Variants in SNX2 observed in about 807,000 individuals in gnomAD.
SNX2 encodes sorting nexin-2.
A neutral mutation model predicts 69.9 loss-of-function variants in SNX2; 25 were observed. The observed-to-expected ratio is 0.36, with a 90% CI of 0.26 to 0.50. The LOEUF (loss-of-function observed/expected upper bound fraction) is 0.50, where lower values mean the gene tolerates loss of function less well. Among genes scored for constraint, SNX2 ranks in the 20% least tolerant of loss-of-function variants. SNX2 has a pLI of 0.97. For missense variants in SNX2, 551 were observed against 613.3 expected (o/e 0.90, Z 1.07); for synonymous variants, 229 against 200.4 (o/e 1.14, Z -1.20).
intron 1 of SNX2, 100 bp from the exon 2 acceptor site, chr5:122,795,166 A>G: frequency 1.3e-6 from 1 of 743,416 alleles, no homozygotes. Flanking sequence ...TCTTTCCTCC[A>G]TTCTTTTCAA....
At chr5:122,795,240 T>TA in intron 1 of SNX2, 26 bp from the exon 2 acceptor site, 2 of 1,420,518 alleles carry the variant, frequency 1.4e-6, no homozygotes, top group Non-Finnish European at 1.0e-6. Flanking sequence ...GCCAATCCAT[T>TA]ACCTATTATT....
chr5:122,789,917 G>A (rs868356777), intron 1 of SNX2, among the ~76,000 whole-genome samples: 4 of 152,304 alleles, frequency 2.6e-5, no homozygotes, highest in South Asian at 4.1e-4. Context: ...AGAGAGAGAG[G>A]CTCTAGTTGG....
At position 122,775,181 on chromosome 5, in the gene SNX2, C is replaced by T; in HGVS notation, c.78C>T (p.Asp26=). ...TDFEDLEDGE[D]LFTSTVSTLE... ...TTGAGGATCTGGAGGACGGAGAGGA[C>T]CTGTTCACCAGCACTGTCTCCACCC... Residue 26 remains aspartate, a synonymous_variant, in exon 1 of 15, where the codon GAC becomes GAT. Transcript: ENST00000379516. The T allele has an allele frequency of 1.1e-5, 18 of 1,592,484 alleles. No individual in the cohort carries two copies. In the South Asian group the frequency reaches 1.6e-4, roughly 14 times the overall value.
intron 2 of SNX2, 90 bp downstream of exon 2, chr5:122,795,473 G>T: frequency 1.1e-6 from 1 of 873,532 alleles, no homozygotes; most frequent in Non-Finnish European, 1.8e-6. Context: ...CTGAAATTCT[G>T]TGTAAAGTGT....
rs34588472 is a variant in SNX2 at position 122,789,442 on chromosome 5, T to TACACAC, written c.109-5808_109-5803dup. Among the ~76,000 whole-genome samples the TACACAC allele has an allele frequency of 1.9e-3, 269 of 141,652 alleles. 1 individual carries two copies. The highest frequency in any genetic ancestry group is 5.2e-3 in the African/African-American group (197 of 37,922). 92.9% of individuals were successfully genotyped at this position (141,652 alleles called of 152,430 possible). ...CCACCTTCCCCACCACACACACACA[T>TACACAC]ACACACACACACACACACACAGACA... is the stretch of plus-strand genomic sequence containing the variant. On this transcript the variant is annotated intron_variant, in intron 1 of 14. Transcript: ENST00000379516.
At chr5:122,809,941 T>C (rs6872932) in intron 7 of SNX2, among the ~76,000 whole-genome samples, 99,173 of 152,094 alleles carry the variant, frequency 0.65, 33,231 homozygotes, top group African/African-American at 0.81. Context: ...TGAATTGATT[T>C]TATTGTAGGA....
chr5:122,804,041 A>G (rs1261957820), intron 6 of SNX2, among the ~76,000 whole-genome samples: 6 of 152,036 alleles, frequency 3.9e-5, no homozygotes, highest in Non-Finnish European at 7.4e-5. Flanking sequence ...CGGTGGGCTG[A>G]GGCAGGAGAA....
At chr5:122,793,754 CAA>C (rs201474978) in intron 1 of SNX2, among the ~76,000 whole-genome samples, 2,250 of 148,714 alleles carry the variant, frequency 0.015, 21 homozygotes, top group Non-Finnish European at 0.019. Flanking sequence ...ACTAAAAATA[CAA>C]AAAAAAATTA....
At chr5:122,808,740 G>GA (rs577995955) in intron 7 of SNX2, 27 of 157,534 alleles carry the variant, frequency 1.7e-4, no homozygotes, top group Non-Finnish European at 3.4e-4. Flanking sequence ...TGAATGGGGG[G>GA]AAAAATAAAA....
intron 11 of SNX2, among the ~76,000 whole-genome samples, chr5:122,824,836 A>C (rs1268104927): frequency 6.6e-6 from 1 of 152,238 alleles, no homozygotes; most frequent in Admixed American, 6.5e-5. Context: ...GAAGTAATCC[A>C]TAATGGCTGT....
At position 122,802,093 on chromosome 5, in the gene SNX2, A is replaced by AT; in HGVS notation, c.471dup (p.Ala158CysfsTer6). The AT allele has an allele frequency of 6.2e-7, 1 of 1,613,722 alleles. No individual in the cohort carries two copies. The highest frequency in any genetic ancestry group is 8.5e-7 in the Non-Finnish European group (1 of 1,179,746). ...ACTTTTTTTGCAGGTGATGGCATGA[A>AT]TGCCTATATGGCATATAGAGTAACA... On this transcript the variant is annotated frameshift_variant, in exon 5 of 15. Coordinates refer to ENST00000379516, the MANE Select transcript of SNX2 (RefSeq NM_003100.4). LOFTEE classifies it high-confidence loss of function.
intron 6 of SNX2, among the ~76,000 whole-genome samples, chr5:122,806,140 G>GCACACACACACACACA (rs1296313992): frequency 3.3e-5 from 1 of 30,218 alleles, no homozygotes; most frequent in African/African-American, 1.1e-4. Flanking sequence ...ACACACGCGC[G>GCACACACACACACACA]CGCACACACA....
intron 8 of SNX2, 113 bp from the exon 9 acceptor site, chr5:122,816,802 T>G: frequency 1.9e-6 from 1 of 530,338 alleles, no homozygotes. Context: ...CAACCTCTTT[T>G]TTAAAATTTG....
At chr5:122,800,324 T>C (rs1753478827) in intron 3 of SNX2, among the ~76,000 whole-genome samples, 2 of 152,180 alleles carry the variant, frequency 1.3e-5, no homozygotes, top group Non-Finnish European at 1.5e-5. Flanking sequence ...AGAAAAATTA[T>C]ACAGAGATTA....
intron 7 of SNX2, among the ~76,000 whole-genome samples, chr5:122,811,707 T>G (rs893449623): frequency 6.6e-6 from 1 of 152,040 alleles, no homozygotes; most frequent in Non-Finnish European, 1.5e-5. Flanking sequence ...GGCGCGTGCC[T>G]GTAGTCACAG....
At chr5:122,793,816 G>A (rs1317887947) in intron 1 of SNX2, among the ~76,000 whole-genome samples, 1 of 151,786 alleles carries the variant, frequency 6.6e-6, no homozygotes, top group African/African-American at 2.4e-5. Context: ...AGGAGGCTGA[G>A]GCAGAAGAAT....
At chr5:122,796,999 C>T (rs763117324) in intron 2 of SNX2, among the ~76,000 whole-genome samples, 1 of 152,242 alleles carries the variant, frequency 6.6e-6, no homozygotes, top group Non-Finnish European at 1.5e-5. Flanking sequence ...GCCATCATAG[C>T]TCACAGCAGC....
intron 7 of SNX2, among the ~76,000 whole-genome samples, chr5:122,809,586 T>C (rs1400022999): frequency 1.3e-5 from 2 of 152,222 alleles, no homozygotes; most frequent in Non-Finnish European, 2.9e-5. Context: ...CTTGAAACTT[T>C]CTAATTTCAC....
chr5:122,815,721 A>G lies in SNX2; in HGVS notation c.723-175A>G, dbSNP rs543499710. ...GTATATCAATTTTCAAAAGATGAACAAAAACCTTTTTAATTATTAAATTGC... is the reference window on the plus strand; with the variant it reads ...GTATATCAATTTTCAAAAGATGAACGAAAACCTTTTTAATTATTAAATTGC... On this transcript the variant is annotated intron_variant, in intron 7 of 14. Coordinates refer to ENST00000379516, the MANE Select transcript of SNX2 (RefSeq NM_003100.4). 1.7e-5 allele frequency: 7 copies of G among 415,608 alleles called. No individual in the cohort carries two copies. In the South Asian group the frequency reaches 3.5e-4, roughly 21 times the overall value. 25.7% of individuals were successfully genotyped at this position (415,608 alleles called of 1,614,324 possible).
Sources: allele counts gnomAD v4.1 joint callset (sites outside exome capture counted in the v4.1 genomes callset), GRCh38; gene constraint gnomAD v4.1.1; transcripts MANE v1.5; gene names NCBI Gene and HGNC (gene_info 2026-07-23, HGNC 2026-07-21).